STARD7: variants seen among roughly 807,000 people sequenced by gnomAD.
STARD7 encodes StAR related lipid transfer domain containing 7.
A neutral mutation model predicts 45.3 loss-of-function variants in STARD7; 30 were observed. The ratio of observed to expected loss-of-function variants is 0.66; its 90% CI spans 0.50 to 0.90. The LOEUF is 0.90. STARD7 is among the 40% of genes least tolerant of loss of function. The pLI, the probability that STARD7 is intolerant of heterozygous loss-of-function variation, is 0.00. For synonymous variants in STARD7, 199 were observed against 183.0 expected (o/e 1.09, Z -0.70); for missense variants, 495 against 491.3 (o/e 1.01, Z -0.07).
chr2:96,201,991 T>G (rs1456187034), intron 1 of STARD7, among the ~76,000 whole-genome samples: 1 of 152,200 alleles, frequency 6.6e-6, no homozygotes, highest in African/African-American at 2.4e-5. Context: ...CGTTATTTCT[T>G]GAAGTCCTAT....
At position 96,187,266 on chromosome 2, in the gene STARD7, A is replaced by G; in HGVS notation, c.879T>C (p.Asn293=). The G allele has an allele frequency of 6.2e-7, 1 of 1,613,888 alleles. No homozygotes were observed. Residue 293 remains asparagine (N), a synonymous_variant, in exon 7 of 8, where the codon AAT becomes AAC. Coordinates refer to ENST00000337288, the MANE Select transcript of STARD7 (RefSeq NM_020151.4). ...GFDYLLTYSD[N]PQTVFPRYCV... The stretch of plus-strand genomic sequence containing the variant: ...AGTAGCGAGGAAACACCGTTTGGGG[A>G]TTGTCACTGTATGTTAGTAAGTAGT...
At chr2:96,193,726 A>G (rs1382404079) in intron 3 of STARD7, among the ~76,000 whole-genome samples, 1 of 152,264 alleles carries the variant, frequency 6.6e-6, no homozygotes, top group East Asian at 1.9e-4. Flanking sequence ...TAGACACTTC[A>G]CACACAAAAA....
At position 96,189,461 on chromosome 2, in the gene STARD7, C is replaced by G. The variant is rs1319947657; in HGVS notation, c.844-2160G>C. On this transcript the variant is annotated intron_variant, in intron 6 of 7. Coordinates refer to ENST00000337288, the MANE Select transcript of STARD7 (RefSeq NM_020151.4). ...GGCTCATGCCTGTAATCCCAGCACT[C>G]AGAAAGGCCGAGGCGGGCGGATCAC... Among the ~76,000 whole-genome samples the G allele has an allele frequency of 5.3e-5, 8 of 152,186 alleles. No homozygotes were observed. The East Asian group carries it at 1.5e-3, about 29-fold the overall frequency.
At chr2:96,205,604 G>A (rs1241739809) in intron 1 of STARD7, among the ~76,000 whole-genome samples, 1 of 152,144 alleles carries the variant, frequency 6.6e-6, no homozygotes, top group Non-Finnish European at 1.5e-5. Flanking sequence ...CATCTCACTA[G>A]AACAAACGAA....
intron 2 of STARD7, 160 bp from the exon 3 acceptor site, chr2:96,195,167 T>C (rs1683182674): frequency 1.2e-6 from 1 of 821,594 alleles, no homozygotes. Flanking sequence ...ACAAAGAGGA[T>C]GTAAGCAAAG....
At position 96,208,310 on chromosome 2, in the gene STARD7, G is replaced by T; in HGVS notation, c.125C>A (p.Ala42Glu). The change falls in exon 1 of 8, where the codon GCG (alanine) becomes GAG (glutamate). Residue 42 changes from alanine (A) to glutamate (E), a missense_variant. Ala to Glu is a moderately radical substitution (Grantham distance 107). Coordinates refer to ENST00000337288, the MANE Select transcript of STARD7 (RefSeq NM_020151.4). Reference sequence around the variant, plus strand: ...GGAGTAGAGGCGGCCGTAGAGCTGCGCGATCTGCTGCGCGCGCCGCACGCG... The same window carrying T: ...GGAGTAGAGGCGGCCGTAGAGCTGCTCGATCTGCTGCGCGCGCCGCACGCG... ...GLRVRRAQQIAQLYGRLYSES... is the reference protein window; with the variant it reads ...GLRVRRAQQIEQLYGRLYSES... 3.7e-6 allele frequency: 6 copies of T among 1,607,502 alleles called. No individual in the cohort carries two copies. The highest frequency in any genetic ancestry group is 1.1e-5 in the South Asian group (1 of 90,542).
chr2:96,192,304 T>TA (rs1457450586), intron 6 of STARD7, 65 bp downstream of exon 6: 1 of 1,247,480 alleles, frequency 8.0e-7, no homozygotes, highest in Non-Finnish European at 1.2e-6. Flanking sequence ...CTAGTTCAGG[T>TA]AAGACATCCC....
intron 4 of STARD7, 31 bp downstream of exon 4, chr2:96,193,211 C>G (rs758833782): frequency 1.2e-6 from 2 of 1,602,374 alleles, no homozygotes; most frequent in East Asian, 4.5e-5. Flanking sequence ...CAAACCTGGA[C>G]AGAAATAAAA....
intron 1 of STARD7, among the ~76,000 whole-genome samples, chr2:96,203,652 G>A (rs1009459716): frequency 1.6e-4 from 25 of 152,218 alleles, no homozygotes; most frequent in African/African-American, 5.8e-4. Flanking sequence ...CTACTGATAC[G>A]GGACACACCT....
chr2:96,195,038 G>A (rs919724279), intron 2 of STARD7, 31 bp from the exon 3 acceptor site: 1 of 1,582,122 alleles, frequency 6.3e-7, no homozygotes, highest in Non-Finnish European at 8.6e-7. Flanking sequence ...AAGGGATGCT[G>A]GCCATACTCC....
chr2:96,207,371 T>G (rs1683410354), intron 1 of STARD7, among the ~76,000 whole-genome samples: 1 of 152,198 alleles, frequency 6.6e-6, no homozygotes, highest in Admixed American at 6.5e-5. Flanking sequence ...GGGCACAGTT[T>G]AAGAATATCT....
At chr2:96,196,958 C>T (rs890092388) in intron 1 of STARD7, among the ~76,000 whole-genome samples, 3 of 151,342 alleles carry the variant, frequency 2.0e-5, no homozygotes, top group African/African-American at 7.3e-5. Flanking sequence ...CCCAGCTACT[C>T]GGGAGACTGA....
intron 1 of STARD7, among the ~76,000 whole-genome samples, chr2:96,203,002 G>A (rs1271112347): frequency 6.6e-6 from 1 of 152,168 alleles, no homozygotes; most frequent in East Asian, 1.9e-4. Context: ...GAAAAGGGAC[G>A]GAAATGTCTT....
At position 96,186,885 on chromosome 2, in the gene STARD7, T is replaced by C. The variant is rs773518469; in HGVS notation, c.958A>G (p.Met320Val). Reference protein sequence around the residue: ...GMPDFLEKLHMATLKAKNMEI... With the variant: ...GMPDFLEKLHVATLKAKNMEI... ...ATATTCTTGGCTTTCAGAGTGGCCA[T>C]GTGCAGCTTCTCCAGGAAATCTGGC... The change falls in exon 8 of 8, where the codon ATG becomes GTG. Residue 320 changes from methionine to valine, a missense_variant. This residue lies in a region of STARD7 where 213 missense variants were observed against 271.2 expected (regional missense o/e 0.79). Transcript: ENST00000337288. The C allele has an allele frequency of 1.9e-5, 31 of 1,613,322 alleles. No individual in the cohort carries two copies. The highest frequency in any genetic ancestry group is 2.3e-5 in the Non-Finnish European group (27 of 1,179,654).
intron 1 of STARD7, among the ~76,000 whole-genome samples, chr2:96,195,800 G>A (rs1051804037): frequency 6.6e-6 from 1 of 151,994 alleles, no homozygotes; most frequent in Non-Finnish European, 1.5e-5. Context: ...TACCTATCTC[G>A]AGGTTGGCTA....
rs1573950118 is a variant in STARD7, at chr2:96,208,424, C to G, written c.11G>C (p.Arg4Pro). 1 of 1,390,336 alleles carries G rather than the reference C, an allele frequency of 7.2e-7. No individual in the cohort carries two copies. Among genetic ancestry groups the G allele is most frequent in the Non-Finnish European group, 9.2e-7 (1 of 1,083,486 alleles). 86.1% of individuals were successfully genotyped at this position (1,390,336 alleles called of 1,614,324 possible). The stretch of plus-strand genomic sequence containing the variant: ...CGCCAGCCAGGCGGCCAGCAGCCTC[C>G]GCGGGAGCATGCCGCCTCCCGCAGG... MLP[R>P]RLLAAWLAGT... Residue 4 changes from arginine to proline, a missense_variant, in exon 1 of 8, where the codon CGG becomes CCG. Coordinates refer to ENST00000337288, the MANE Select transcript of STARD7 (RefSeq NM_020151.4).
chr2:96,205,020 A>G (rs1017263822), intron 1 of STARD7, among the ~76,000 whole-genome samples: 4 of 152,122 alleles, frequency 2.6e-5, no homozygotes, highest in Admixed American at 2.0e-4. Flanking sequence ...TGTTCCTGTA[A>G]CTTTTCTTTT....
intron 1 of STARD7, among the ~76,000 whole-genome samples, chr2:96,201,482 G>A (rs1336557890): frequency 1.3e-5 from 2 of 151,518 alleles, no homozygotes; most frequent in East Asian, 3.9e-4. Flanking sequence ...CAGCTACTGA[G>A]GAGGCAGAGG....
intron 1 of STARD7, 42 bp downstream of exon 1, chr2:96,208,103 C>T: frequency 6.7e-7 from 1 of 1,494,472 alleles, no homozygotes; most frequent in Non-Finnish European, 8.9e-7. Flanking sequence ...TTCACAAGCC[C>T]CCCCACCCCA....
Sources: allele counts gnomAD v4.1 joint callset (sites outside exome capture counted in the v4.1 genomes callset), GRCh38; gene constraint gnomAD v4.1.1; regional missense constraint gnomAD v4.1.1; transcripts MANE v1.5; gene names NCBI Gene and HGNC (gene_info 2026-07-23, HGNC 2026-07-21).